Variants in PKP2 observed in about 807,000 individuals in gnomAD.
PKP2 encodes the protein plakophilin 2.
In PKP2, 73 loss-of-function variants were observed where a neutral mutation model predicts 83.4. The ratio of observed to expected loss-of-function variants is 0.88; its 90% confidence interval spans 0.72 to 1.06. The LOEUF is 1.06. PKP2 is among the 50% of genes least tolerant of loss of function. The pLI, the probability that PKP2 is intolerant of heterozygous loss-of-function variation, is 0.00. For synonymous variants in PKP2, 409 were observed against 430.4 expected (o/e 0.95, Z 0.62); for missense variants, 966 against 1,065.4 (o/e 0.91, Z 1.30).
intron 9 of PKP2, among the ~76,000 whole-genome samples, chr12:32,818,363 A>C (rs1430177228): frequency 2.6e-5 from 4 of 152,156 alleles, no homozygotes; most frequent in Non-Finnish European, 4.4e-5. Context: ...CAAGAGGCTG[A>C]GGCACGAGAA....
chr12:32,803,424 T>A (rs1956200389), intron 9 of PKP2, among the ~76,000 whole-genome samples: 1 of 152,190 alleles, frequency 6.6e-6, no homozygotes, highest in Admixed American at 6.5e-5. Flanking sequence ...TTAATTAGGT[T>A]ATTAACATTT....
At chr12:32,855,318 C>G (rs993707147) in intron 4 of PKP2, among the ~76,000 whole-genome samples, 1 of 152,144 alleles carries the variant, frequency 6.6e-6, no homozygotes, top group Non-Finnish European at 1.5e-5. Context: ...ATTAGCCATA[C>G]AGTTCCCTCA....
chr12:32,841,320 G>C (rs555887492), intron 5 of PKP2, 115 bp from the exon 6 acceptor site: 16 of 799,826 alleles, frequency 2.0e-5, no homozygotes, highest in Non-Finnish European at 2.8e-5. Context: ...AAAAAATTTG[G>C]GGGGTTGGGG....
At chr12:32,832,712 T>C (rs1331230011) in intron 6 of PKP2, among the ~76,000 whole-genome samples, 3 of 152,236 alleles carry the variant, frequency 2.0e-5, no homozygotes, top group African/African-American at 7.2e-5. Context: ...ATTACTCTTC[T>C]AGTTTTATGG....
At chr12:32,828,032 T>A (rs998419544) in intron 6 of PKP2, among the ~76,000 whole-genome samples, 1 of 152,210 alleles carries the variant, frequency 6.6e-6, no homozygotes, top group Non-Finnish European at 1.5e-5. Context: ...ACTCTTCACA[T>A]AAAGGCAGGA....
At chr12:32,798,852 T>A (rs1306572310) in intron 10 of PKP2, among the ~76,000 whole-genome samples, 1 of 152,146 alleles carries the variant, frequency 6.6e-6, no homozygotes, top group Non-Finnish European at 1.5e-5. Flanking sequence ...AGACATTGGC[T>A]TAGGCAAAGA....
intron 1 of PKP2, among the ~76,000 whole-genome samples, chr12:32,892,683 T>G (rs998531685): frequency 1.3e-5 from 2 of 152,060 alleles, no homozygotes; most frequent in African/African-American, 4.8e-5. Context: ...GATAATAGTG[T>G]GCCTCAAGTT....
At chr12:32,796,540 G>A (rs992531144) in intron 10 of PKP2, among the ~76,000 whole-genome samples, 3 of 151,902 alleles carry the variant, frequency 2.0e-5, no homozygotes, top group Non-Finnish European at 4.4e-5. Context: ...CCGCCACCAC[G>A]CCTGGCTAAT....
At chr12:32,803,368 TAAACAAAC>T (rs145781871) in intron 9 of PKP2, among the ~76,000 whole-genome samples, 20 of 152,198 alleles carry the variant, frequency 1.3e-4, no homozygotes, top group Non-Finnish European at 2.2e-4. Context: ...TGACAGTGTC[TAAACAAAC>T]AAACAAACAA....
chr12:32,807,880 T>C (rs986332099), intron 9 of PKP2, among the ~76,000 whole-genome samples: 9 of 152,150 alleles, frequency 5.9e-5, no homozygotes, highest in Non-Finnish European at 8.8e-5. Context: ...GCTTGTAGGG[T>C]TTCTGCTGAG....
At chr12:32,859,999 A>G (rs1956784244) in intron 4 of PKP2, among the ~76,000 whole-genome samples, 2 of 152,226 alleles carry the variant, frequency 1.3e-5, no homozygotes, top group Admixed American at 1.3e-4. Flanking sequence ...ATGACTCGAT[A>G]GTAACTAACA....
At chr12:32,855,773 CAAAA>C (rs11431590) in intron 4 of PKP2, among the ~76,000 whole-genome samples, 602 of 46,802 alleles carry the variant, frequency 0.013, 4 homozygotes, top group African/African-American at 0.06. Flanking sequence ...GACTCCATCT[CAAAA>C]AAAAAAAAAA....
At chr12:32,838,107 G>A (rs6488096) in intron 6 of PKP2, among the ~76,000 whole-genome samples, 121,514 of 152,152 alleles carry the variant, frequency 0.8, 50,046 homozygotes, top group Non-Finnish European at 0.91. Flanking sequence ...TGGATAAGGA[G>A]AATGTGGTAT....
chr12:32,873,467 T>C (rs978009186), intron 3 of PKP2, among the ~76,000 whole-genome samples: 3 of 152,030 alleles, frequency 2.0e-5, no homozygotes, highest in African/African-American at 7.2e-5. Context: ...TGATGATATA[T>C]CCTATTTTTC....
intron 5 of PKP2, among the ~76,000 whole-genome samples, chr12:32,846,483 G>A (rs1293467218): frequency 1.3e-5 from 2 of 152,130 alleles, no homozygotes; most frequent in African/African-American, 2.4e-5. Context: ...AGTGGCTCAC[G>A]CCTGTAATCC....
chr12:32,882,253 T>C (rs1956992793), intron 1 of PKP2, among the ~76,000 whole-genome samples: 1 of 152,192 alleles, frequency 6.6e-6, no homozygotes, highest in South Asian at 2.1e-4. Flanking sequence ...CAATCTAGAA[T>C]GGCAAAGTAC....
intron 9 of PKP2, among the ~76,000 whole-genome samples, chr12:32,815,064 C>T (rs1017322981): frequency 1.1e-4 from 16 of 152,142 alleles, no homozygotes; most frequent in South Asian, 4.2e-4. Context: ...ATTGCTAGGG[C>T]GAACAATGCA....
At chr12:32,856,215 C>T (rs1464368744) in intron 4 of PKP2, among the ~76,000 whole-genome samples, 2 of 152,068 alleles carry the variant, frequency 1.3e-5, no homozygotes, top group Admixed American at 6.5e-5. Flanking sequence ...AATAAGACCA[C>T]GTTAAGAAGG....
chr12:32,821,275 A>G, intron 9 of PKP2, 81 bp downstream of exon 9: 1 of 1,250,154 alleles, frequency 8.0e-7, no homozygotes, highest in Non-Finnish European at 1.2e-6. Context: ...CTCTTCCCTC[A>G]CTGTTTCATC....
Sources: allele counts gnomAD v4.1 joint callset (sites outside exome capture counted in the v4.1 genomes callset), GRCh38; gene constraint gnomAD v4.1.1; transcripts MANE v1.5; gene names NCBI Gene and HGNC (gene_info 2026-07-23, HGNC 2026-07-21).